The following TREM1 variants were observed in gnomAD, a reference collection of about 807,000 sequenced individuals.
TREM1 encodes triggering receptor expressed on myeloid cells 1.
TREM1 carries 16 observed loss-of-function variants against 22.4 expected under a neutral mutation model. The ratio of observed to expected loss-of-function variants is 0.71; its 90% CI spans 0.48 to 1.08. The LOEUF (loss-of-function observed/expected upper bound fraction) is 1.08, where lower values mean the gene tolerates loss of function less well. TREM1 is among the 50% of genes least tolerant of loss of function. TREM1 has a pLI of 0.00. For synonymous variants in TREM1, 110 were observed against 111.6 expected, an observed-to-expected ratio of 0.99 and a Z score of 0.09; for missense variants, 283 against 282.9, an observed-to-expected ratio of 1.00 and a Z score of 0.00.
At chr6:41,282,260 CT>C (rs1401256853) in intron 2 of TREM1, 134 bp downstream of exon 2, 1 of 706,388 alleles carries the variant, frequency 1.4e-6, no homozygotes, top group Admixed American at 2.4e-5. Context: ...ACTACTGGAC[CT>C]TAGATGAGAG....
At chr6:41,286,080 G>A (rs1768155524) in intron 1 of TREM1, among the ~76,000 whole-genome samples, 2 of 152,192 alleles carry the variant, frequency 1.3e-5, no homozygotes, top group Admixed American at 1.3e-4. Flanking sequence ...CTCAGCAACT[G>A]TGCCCTCCAA....
chr6:41,282,131 A>G (rs2113989607), intron 2 of TREM1: 1 of 401,952 alleles, frequency 2.5e-6, no homozygotes, highest in Non-Finnish European at 4.5e-6. Flanking sequence ...GAGAACAAAG[A>G]ATGGGACTAA....
chr6:41,273,554 C>A (rs2170887), downstream of TREM1, among the ~76,000 whole-genome samples: 30,383 of 152,156 alleles, frequency 0.2, 3,805 homozygotes, highest in East Asian at 0.47. Flanking sequence ...GTTAGCCACA[C>A]AACACTATTG....
At chr6:41,280,338 C>T (rs1441872742) in intron 3 of TREM1, 1 of 985,614 alleles carries the variant, frequency 1.0e-6, no homozygotes, top group Non-Finnish European at 1.2e-6. Flanking sequence ...ATCTCCTAAA[C>T]ATCTTATTAA....
chr6:41,279,117 G>C (rs185768953), intron 3 of TREM1, among the ~76,000 whole-genome samples: 1 of 152,334 alleles, frequency 6.6e-6, no homozygotes, highest in East Asian at 1.9e-4. Flanking sequence ...GAGTGTCTTA[G>C]ATTGGCCCTG....
downstream of TREM1, among the ~76,000 whole-genome samples, chr6:41,268,688 A>T (rs11758363): frequency 0.072 from 10,936 of 152,334 alleles, 556 homozygotes; most frequent in Middle Eastern, 0.18. Flanking sequence ...TGATCAAGGC[A>T]GAGAGGGACC....
At chr6:41,279,783 T>C in intron 3 of TREM1, 2 of 985,494 alleles carry the variant, frequency 2.0e-6, no homozygotes, top group Non-Finnish European at 2.4e-6. Context: ...TTATGCTTAA[T>C]GGATCACACT....
Position 41,286,636 on chromosome 6 carries a change from C to G in TREM1, c.20G>C (p.Trp7Ser). The change falls in exon 1 of 4, where the codon TGG (tryptophan) becomes TCG (serine). Residue 7 changes from tryptophan (W) to serine (S), a missense_variant. Trp to Ser is a radical substitution (Grantham distance 177, BLOSUM62 -3). Coordinates refer to ENST00000244709, the MANE Select transcript of TREM1 (RefSeq NM_018643.5). ...GACAAAGAGCATCCACAGCAGCCCC[C>G]AGAGCCTGGTCTTCCTCATCCTTCC... is the stretch of plus-strand genomic sequence containing the variant. MRKTRLWGLLWMLFVSE... is the reference protein window; with the variant it reads MRKTRLSGLLWMLFVSE... 6.2e-7 allele frequency: 1 copy of G among 1,614,090 alleles called. No individual in the cohort carries two copies. Among genetic ancestry groups the G allele is most frequent in the Non-Finnish European group, 8.5e-7 (1 of 1,179,998 alleles).
chr6:41,280,990 G>T lies in TREM1; in HGVS notation c.570C>A (p.Ile190=). The T allele has an allele frequency of 6.2e-7, 1 of 1,614,238 alleles. No individual in the cohort carries two copies. The highest frequency in any genetic ancestry group is 2.2e-5 in the East Asian group (1 of 44,892). Reference sequence around the variant, plus strand: ...TGATATCTGTCACATTTGTAAGGTTGATTTCAGAGTCAGGAGTGGAGACAT... The same window carrying T: ...TGATATCTGTCACATTTGTAAGGTTTATTTCAGAGTCAGGAGTGGAGACAT... ...TADVSTPDSE[I]NLTNVTDIIR... Residue 190 remains isoleucine (I), a synonymous_variant, in exon 3 of 4, where the codon ATC becomes ATA. Transcript: ENST00000244709.
intron 1 of TREM1, among the ~76,000 whole-genome samples, chr6:41,284,395 A>G (rs1232721714): frequency 6.6e-6 from 1 of 152,146 alleles, no homozygotes; most frequent in Non-Finnish European, 1.5e-5. Context: ...TGGAGTCCGA[A>G]CTGGGTTAAC....
rs571383131 is a variant in TREM1 at position 41,276,111 on chromosome 6, G to C, written c.*14C>G. 3 of 1,605,038 alleles carry C rather than the reference G, an allele frequency of 1.9e-6. No homozygotes were observed. Among genetic ancestry groups the C allele is most frequent in the African/African-American group, 2.7e-5 (2 of 74,678 alleles). On this transcript the variant is annotated 3_prime_UTR_variant, in exon 4 of 4. Coordinates refer to ENST00000244709, the MANE Select transcript of TREM1 (RefSeq NM_018643.5). ...TGGCTGGAAGTCAGAGGACATTCTC[G>C]TGGGTTCGTGGGCCTAGGGTACAAA...
intron 2 of TREM1, chr6:41,281,421 G>T: frequency 3.0e-5 from 10 of 338,086 alleles, no homozygotes; most frequent in East Asian, 5.4e-5. Context: ...GTGAGGGAGA[G>T]CAGAAAGAGA....
At chr6:41,281,910 A>G (rs1767936266) in intron 2 of TREM1, 1 of 163,040 alleles carries the variant, frequency 6.1e-6, no homozygotes, top group Non-Finnish European at 1.4e-5. Context: ...CTCCCCCAAA[A>G]TGGGAGCCAT....
At position 41,282,777 on chromosome 6, in the gene TREM1, T is replaced by A. The variant is rs150826173; in HGVS notation, c.50-26A>T. 1.4e-3 allele frequency: 2,246 copies of A among 1,569,884 alleles called. 24 individuals carry two copies. In the African/African-American group the frequency reaches 0.024, roughly 17 times the overall value. On this transcript the variant is annotated intron_variant, in intron 1 of 3. Coordinates refer to ENST00000244709, the MANE Select transcript of TREM1 (RefSeq NM_018643.5). ...CTATAAGCAGGGAAAGAGAATGGGT[T>A]CTGTGAGGAATTATTTTTCTCTCTC...
downstream of TREM1, chr6:41,269,771 T>C (rs1341421289): frequency 1.3e-5 from 2 of 152,258 alleles, no homozygotes; most frequent in African/African-American, 4.8e-5. Flanking sequence ...CATTGCTCTG[T>C]GCTGCCCTCC....
At chr6:41,270,351 C>T (rs957376214), downstream of TREM1, 9 of 151,258 alleles carry the variant, frequency 6.0e-5, no homozygotes, top group East Asian at 1.7e-3. Flanking sequence ...GCTCCTCTGT[C>T]AAGCATGTAG....
At chr6:41,282,864 G>A in intron 1 of TREM1, 113 bp from the exon 2 acceptor site, 1 of 910,424 alleles carries the variant, frequency 1.1e-6, no homozygotes, top group Admixed American at 2.3e-5. Flanking sequence ...TATTTCAGAT[G>A]AGGTTCTTGA....
chr6:41,276,364 C>T (rs1767671850), intron 3 of TREM1, 134 bp from the exon 4 acceptor site: 2 of 678,194 alleles, frequency 2.9e-6, no homozygotes, highest in Non-Finnish European at 5.2e-6. Context: ...CACTGCCTGA[C>T]CCTGTGCTTT....
Position 41,279,893 on chromosome 6 carries a change from T to G in TREM1, c.599+1068A>C, listed in dbSNP as rs962672670. On this transcript the variant is annotated intron_variant, in intron 3 of 3. Transcript: ENST00000244709. ...TATCTCATGGAAATTTCGAGTTAAT[T>G]ATTTAAAAGAAGAAAAATATATCTG... The G allele has an allele frequency of 3.1e-6, 3 of 979,752 alleles. No individual in the cohort carries two copies. The African/African-American group carries it at 5.3e-5, about 17-fold the overall frequency. 60.7% of individuals were successfully genotyped at this position (979,752 alleles called of 1,614,324 possible).
Sources: gnomAD v4.1 joint callset for allele counts (sites outside exome capture counted in the v4.1 genomes callset) on GRCh38, gnomAD v4.1.1 for gene constraint, MANE v1.5 for transcripts, NCBI Gene and HGNC (gene_info 2026-07-23, HGNC 2026-07-21) for gene names.